Variants in AFF1 observed in about 807,000 individuals in gnomAD.
AFF1 encodes ALF transcription elongation factor 1.
AFF1 carries 48 observed loss-of-function variants against 121.7 expected under a neutral mutation model. That is an observed-to-expected ratio of 0.39 (90% confidence interval 0.31 to 0.50). The LOEUF is 0.50. Among genes scored for constraint, AFF1 ranks in the 20% least tolerant of loss-of-function variants. The pLI is 0.76. For synonymous variants in AFF1, 613 were observed against 563.0 expected (o/e 1.09, Z -1.26); for missense variants, 1,523 against 1,511.7 (o/e 1.01, Z -0.12).
chr4:86,945,523 G>A (rs12186136), intron 1 of AFF1, among the ~76,000 whole-genome samples: 6 of 48,494 alleles, frequency 1.2e-4, no homozygotes, highest in South Asian at 4.9e-4. Flanking sequence ...TTTTTTTTTA[G>A]ACAGGGTCTC....
chr4:87,055,878 C>T (rs1359183998), intron 4 of AFF1, among the ~76,000 whole-genome samples: 2 of 152,186 alleles, frequency 1.3e-5, no homozygotes, highest in Non-Finnish European at 2.9e-5. Flanking sequence ...AGCAATTTGA[C>T]ATTATTTTCC....
chr4:87,134,443 C>G (rs762494908), intron 19 of AFF1, 28 bp from the exon 20 acceptor site: 3 of 1,546,390 alleles, frequency 1.9e-6, no homozygotes, highest in Non-Finnish European at 2.6e-6. Context: ...ACTGACTGAT[C>G]AGTTATCTCT....
At chr4:87,133,254 T>C (rs1312924367) in intron 19 of AFF1, among the ~76,000 whole-genome samples, 2 of 152,236 alleles carry the variant, frequency 1.3e-5, no homozygotes, top group African/African-American at 2.4e-5. Context: ...AAAGAATCCT[T>C]GTACAAGTGT....
intron 4 of AFF1, among the ~76,000 whole-genome samples, chr4:87,070,152 C>T (rs950626594): frequency 3.3e-5 from 5 of 152,090 alleles, no homozygotes; most frequent in South Asian, 2.1e-4. Context: ...TACAGGCCTG[C>T]GCCACCACAC....
At chr4:86,947,434 A>G (rs1485040561) in intron 1 of AFF1, among the ~76,000 whole-genome samples, 1 of 152,200 alleles carries the variant, frequency 6.6e-6, no homozygotes, top group Non-Finnish European at 1.5e-5. Flanking sequence ...CAGTGTTTCA[A>G]CCTCAGCCAA....
At chr4:87,011,219 C>T (rs1726724304) in intron 2 of AFF1, among the ~76,000 whole-genome samples, 1 of 151,994 alleles carries the variant, frequency 6.6e-6, no homozygotes. Context: ...AATCTGGTGG[C>T]TGAGCACGGA....
At chr4:87,128,233 A>G (rs886699655) in intron 16 of AFF1, among the ~76,000 whole-genome samples, 8 of 152,198 alleles carry the variant, frequency 5.3e-5, no homozygotes, top group Admixed American at 4.6e-4. Context: ...AGGCTATTAG[A>G]TGAGATTTTA....
chr4:86,946,333 T>C (rs1281515923), intron 1 of AFF1, among the ~76,000 whole-genome samples: 1 of 152,214 alleles, frequency 6.6e-6, no homozygotes, highest in Non-Finnish European at 1.5e-5. Flanking sequence ...GTAAGCTCAA[T>C]GGTAGCAAGA....
chr4:87,005,765 C>G (rs1175784610), intron 2 of AFF1, among the ~76,000 whole-genome samples: 2 of 152,202 alleles, frequency 1.3e-5, no homozygotes, highest in Non-Finnish European at 2.9e-5. Flanking sequence ...CGTAATAATT[C>G]TGACTGCTTG....
intron 4 of AFF1, among the ~76,000 whole-genome samples, chr4:87,051,683 T>C (rs1731278857): frequency 6.6e-6 from 1 of 152,088 alleles, no homozygotes; most frequent in African/African-American, 2.4e-5. Context: ...TTGGCCAGGA[T>C]GGTCTCAATC....
In AFF1 at chr4:86,954,568, A is replaced by G. The variant is rs147607778; in HGVS notation, c.38+5997A>G. 8.6e-3 allele frequency among the ~76,000 whole-genome samples: 1,314 copies of G among 152,230 alleles called. 23 individuals are homozygous for G. Among genetic ancestry groups the G allele is most frequent in the African/African-American group, 0.03 (1,263 of 41,510 alleles). On this transcript the variant is annotated intron_variant, in intron 2 of 20. Coordinates refer to ENST00000395146, the MANE Select transcript of AFF1 (RefSeq NM_001166693.3). ...TGGTTAAACCCTGTCTCTACAAAAA[A>G]TACAAAAATTAGCCACCTGTAGTCC... is the stretch of plus-strand genomic sequence containing the variant.
chr4:86,972,871 G>A (rs933234619), intron 2 of AFF1, among the ~76,000 whole-genome samples: 8 of 152,086 alleles, frequency 5.3e-5, no homozygotes, highest in South Asian at 2.1e-4. Context: ...CACTGCTTTC[G>A]TTTTTTACCT....
chr4:87,098,822 G>A (rs1412471382), intron 8 of AFF1, among the ~76,000 whole-genome samples: 1 of 152,222 alleles, frequency 6.6e-6, no homozygotes, highest in Non-Finnish European at 1.5e-5. Flanking sequence ...TGAAGGCTGA[G>A]ATTGGGATTG....
At chr4:87,069,370 TCC>T (rs1174161672) in intron 4 of AFF1, among the ~76,000 whole-genome samples, 1 of 141,128 alleles carries the variant, frequency 7.1e-6, no homozygotes, top group Non-Finnish European at 1.5e-5. Flanking sequence ...ATTCTCTCCC[TCC>T]CTCTCCTTCT....
intron 2 of AFF1, among the ~76,000 whole-genome samples, chr4:87,033,204 T>C (rs892541447): frequency 3.3e-5 from 5 of 152,230 alleles, no homozygotes; most frequent in African/African-American, 4.8e-5. Flanking sequence ...GCCAGTTTCC[T>C]TAATATCCTG....
rs146899343 is a variant in AFF1, at chr4:86,976,769, A to G, written c.38+28198A>G. Among the ~76,000 whole-genome samples, 6 of 152,320 alleles carry G rather than the reference A, an allele frequency of 3.9e-5. No homozygotes were observed. The East Asian group carries it at 1.2e-3, about 29-fold the overall frequency. On this transcript the variant is annotated intron_variant, in intron 2 of 20. Coordinates refer to ENST00000395146, the MANE Select transcript of AFF1 (RefSeq NM_001166693.3). ...CCCTGAACCTAAAGTAAAAGTTAAG[A>G]AAAAGAAATGGGCTCTGGAGCCAGA...
chr4:87,138,382 A>T lies in AFF1; in HGVS notation c.*2681A>T, dbSNP rs1249515722. ...GCTAGATTATAAAATTAAGCCTTAG[A>T]GTATGGAAAGTTCTTATAACAATAA... On this transcript the variant is annotated 3_prime_UTR_variant, in exon 21 of 21. Transcript: ENST00000395146. 1 of 232,314 alleles carries T rather than the reference A, an allele frequency of 4.3e-6. No homozygotes were observed. Among genetic ancestry groups the T allele is most frequent in the African/African-American group, 2.2e-5 (1 of 45,238 alleles). 14.4% of individuals were successfully genotyped at this position (232,314 alleles called of 1,614,324 possible). A position where few individuals can be genotyped will look rare whatever the true frequency, so the allele number is the denominator to read the frequency against.
chr4:87,064,827 C>T lies in AFF1; in HGVS notation c.1059+17233C>T, dbSNP rs558370694. Among the ~76,000 whole-genome samples, 8 of 150,010 alleles carry T rather than the reference C, an allele frequency of 5.3e-5. No homozygotes were observed. In the South Asian group the frequency reaches 1.3e-3, roughly 24 times the overall value. On this transcript the variant is annotated intron_variant, in intron 4 of 20. Coordinates refer to ENST00000395146, the MANE Select transcript of AFF1 (RefSeq NM_001166693.3). ...GCGGAGGTTGCAGTAAAGTCGAGAT[C>T]GCGTCATTGCACTCCAGCCTGGGCA...
Position 87,122,881 on chromosome 4 carries a change from T to TAAAAAAA in AFF1, c.2467-2137_2467-2131dup, listed in dbSNP as rs3036188. Among the ~76,000 whole-genome samples, 698 of 96,582 alleles carry TAAAAAAA rather than the reference T, an allele frequency of 7.2e-3. 7 individuals are homozygous for TAAAAAAA. The highest frequency in any genetic ancestry group is 0.01 in the Non-Finnish European group (522 of 52,134). 63.4% of individuals were successfully genotyped at this position (96,582 alleles called of 152,430 possible). On this transcript the variant is annotated intron_variant, in intron 12 of 20. Transcript: ENST00000395146. ...AAAAGGGGAGGAAATGGAAAATTAG[T>TAAAAAAA]AAAAAAAAAAAAAAAAAAAAAAAAA...
Sources: allele counts gnomAD v4.1 joint callset (sites outside exome capture counted in the v4.1 genomes callset), GRCh38; gene constraint gnomAD v4.1.1; transcripts MANE v1.5; gene names NCBI Gene and HGNC (gene_info 2026-07-23, HGNC 2026-07-21).